PSD3: variants seen among roughly 807,000 people sequenced by gnomAD.
The protein encoded by PSD3 is PH and SEC7 domain-containing protein 3.
A neutral mutation model predicts 105.5 loss-of-function variants in PSD3; 49 were observed. That is an observed-to-expected ratio of 0.46 (90% CI 0.37 to 0.59). PSD3 has a LOEUF of 0.59. Among genes scored for constraint, PSD3 ranks in the 20% least tolerant of loss-of-function variants. The pLI is 0.00. For synonymous variants in PSD3, 557 were observed against 457.8 expected, an observed-to-expected ratio of 1.22 and a Z score of -2.77; for missense variants, 1,561 against 1,263.8, an observed-to-expected ratio of 1.24 and a Z score of -3.57.
At chr8:18,776,300 A>C (rs1808071009) in intron 8 of PSD3, among the ~76,000 whole-genome samples, 1 of 146,450 alleles carries the variant, frequency 6.8e-6, no homozygotes, top group South Asian at 2.1e-4. Context: ...TAATGTATAA[A>C]TATATATAGT....
intron 12 of PSD3, among the ~76,000 whole-genome samples, chr8:18,589,714 G>A (rs1803455819): frequency 6.6e-6 from 1 of 152,204 alleles, no homozygotes; most frequent in Admixed American, 6.5e-5. Flanking sequence ...AAAGTGGCAA[G>A]AAGCAGCCCT....
In PSD3 at chr8:18,976,889, C is replaced by A. The variant is rs1444694406; in HGVS notation, c.21+36674G>T. 3.3e-5 allele frequency among the ~76,000 whole-genome samples: 5 copies of A among 152,070 alleles called. No individual in the cohort carries two copies. In the East Asian group the frequency reaches 9.6e-4, roughly 29 times the overall value. The stretch of plus-strand genomic sequence containing the variant: ...AAGGGGACAGTTAAACCAAAGTATA[C>A]AAAGGACGTATATGTGGCTGTTATA... On this transcript the variant is annotated intron_variant, in intron 1 of 15. Transcript: ENST00000327040.
chr8:18,570,983 C>T (rs117029449), intron 14 of PSD3, among the ~76,000 whole-genome samples: 3,582 of 152,002 alleles, frequency 0.024, 61 homozygotes, highest in East Asian at 0.083. Context: ...TGTCCACCTC[C>T]CAAGTAGCTG....
At chr8:18,746,680 T>G (rs1461803759) in intron 9 of PSD3, among the ~76,000 whole-genome samples, 1 of 152,240 alleles carries the variant, frequency 6.6e-6, no homozygotes, top group Non-Finnish European at 1.5e-5. Flanking sequence ...CCACACGGCA[T>G]ACAGTTAAAA....
intron 1 of PSD3, among the ~76,000 whole-genome samples, chr8:19,056,307 T>C (rs1828708368): frequency 6.6e-6 from 1 of 152,206 alleles, no homozygotes; most frequent in African/African-American, 2.4e-5. Flanking sequence ...TATAACATAA[T>C]TGATCGAGCC....
chr8:18,555,769 G>A (rs190129534), intron 15 of PSD3, among the ~76,000 whole-genome samples: 1 of 152,266 alleles, frequency 6.6e-6, no homozygotes, highest in South Asian at 2.1e-4. Context: ...GAAGAAAAAC[G>A]CATAGTGTTG....
intron 9 of PSD3, among the ~76,000 whole-genome samples, chr8:18,685,891 T>C (rs1800636491): frequency 6.6e-6 from 1 of 152,160 alleles, no homozygotes; most frequent in African/African-American, 2.4e-5. Flanking sequence ...AGCGCCTGCC[T>C]CTGTGTGGGG....
intron 4 of PSD3, among the ~76,000 whole-genome samples, chr8:18,859,516 C>A (rs1344886472): frequency 6.6e-6 from 1 of 152,190 alleles, no homozygotes. Flanking sequence ...CTAAGAAAGT[C>A]CTAGACAGCA....
rs1227067855 is a variant in PSD3, at chr8:18,799,351, C to T, written c.2026G>A (p.Gly676Arg). ...ATTGCACAGGTAAGGCAATGGACTC[C>T]ATCTAAAGAAAGATACAAGAAAAAA... ...CNPDTIASQD[G>R]VHCLTCAIML... The change falls in exon 8 of 16, where the codon GGA (glycine) becomes AGA (arginine). Residue 676 changes from glycine (G) to arginine (R), a missense_variant and splice_region_variant. By Grantham distance (125) the Gly-to-Arg change is moderately radical (BLOSUM62 -2). Transcript: ENST00000327040. 6.3e-7 allele frequency: 1 copy of T among 1,599,194 alleles called. No homozygotes were observed. The highest frequency in any genetic ancestry group is 8.5e-7 in the Non-Finnish European group (1 of 1,169,986).
At chr8:18,849,715 T>G (rs1328603978) in intron 4 of PSD3, 1 of 152,188 alleles carries the variant, frequency 6.6e-6, no homozygotes, top group Non-Finnish European at 1.5e-5. Flanking sequence ...ATCTCTGAGG[T>G]GGATTCTTTC....
chr8:18,707,820 A>G (rs1445442966), intron 9 of PSD3, among the ~76,000 whole-genome samples: 2 of 152,224 alleles, frequency 1.3e-5, no homozygotes, highest in Non-Finnish European at 2.9e-5. Flanking sequence ...GAAGTAAGAG[A>G]CGCAAAAAGG....
intron 4 of PSD3, among the ~76,000 whole-genome samples, chr8:18,853,694 T>C (rs76002547): frequency 3.1e-3 from 478 of 152,284 alleles, no homozygotes; most frequent in African/African-American, 0.011. Flanking sequence ...ATAAGAATGA[T>C]AGCCTTGTGC....
chr8:18,780,430 A>G (rs1808495127), intron 8 of PSD3, among the ~76,000 whole-genome samples: 1 of 152,080 alleles, frequency 6.6e-6, no homozygotes, highest in Admixed American at 6.5e-5. Context: ...GTTATTATTC[A>G]GTACTTAATT....
At chr8:19,007,793 G>C (rs1455952986) in intron 1 of PSD3, among the ~76,000 whole-genome samples, 1 of 152,154 alleles carries the variant, frequency 6.6e-6, no homozygotes, top group Non-Finnish European at 1.5e-5. Flanking sequence ...TCAGATATTA[G>C]CTCATGGAAA....
chr8:18,804,297 G>C (rs1281495112), intron 6 of PSD3: 4 of 407,572 alleles, frequency 9.8e-6, no homozygotes, highest in Admixed American at 8.5e-5. Context: ...CAGATTTTCA[G>C]ATTTGGGATG....
At chr8:18,986,931 G>A (rs188586686) in intron 1 of PSD3, among the ~76,000 whole-genome samples, 1 of 152,168 alleles carries the variant, frequency 6.6e-6, no homozygotes, top group South Asian at 2.1e-4. Flanking sequence ...TATGCTTAGT[G>A]TTCCATTAAT....
intron 4 of PSD3, among the ~76,000 whole-genome samples, chr8:18,842,730 C>CT (rs753275438): frequency 7.5e-6 from 1 of 132,524 alleles, no homozygotes; most frequent in Admixed American, 7.5e-5. Flanking sequence ...GAGACTCCGT[C>CT]TAAAAAAAAA....
At chr8:18,604,150 T>G (rs930685212) in intron 11 of PSD3, among the ~76,000 whole-genome samples, 3 of 152,080 alleles carry the variant, frequency 2.0e-5, no homozygotes, top group Non-Finnish European at 4.4e-5. Context: ...GACTGAAAGT[T>G]TGGAAATTCC....
intron 11 of PSD3, among the ~76,000 whole-genome samples, chr8:18,629,679 T>C (rs903767133): frequency 6.6e-6 from 1 of 151,944 alleles, no homozygotes; most frequent in Non-Finnish European, 1.5e-5. Context: ...CAGATAATCA[T>C]CTGTCATAAC....
Sources: allele counts gnomAD v4.1 joint callset (sites outside exome capture counted in the v4.1 genomes callset), GRCh38; gene constraint gnomAD v4.1.1; transcripts MANE v1.5; gene names NCBI Gene and HGNC (gene_info 2026-07-23, HGNC 2026-07-21).